The following CCDC25 variants were observed in gnomAD, a reference collection of about 807,000 sequenced individuals.
CCDC25 encodes coiled-coil domain-containing protein 25.
A neutral mutation model predicts 35.3 loss-of-function variants in CCDC25; 16 were observed. That is an observed-to-expected ratio of 0.45 (90% CI 0.31 to 0.69). CCDC25 has a LOEUF of 0.69. Among genes scored for constraint, CCDC25 ranks in the 30% least tolerant of loss-of-function variants. The pLI is 0.06. For synonymous variants in CCDC25, 79 were observed against 80.3 expected (o/e 0.98, Z 0.09); for missense variants, 179 against 250.7 (o/e 0.71, Z 1.93).
chr8:27,761,011 C>T (rs1804209245), intron 3 of CCDC25, among the ~76,000 whole-genome samples: 2 of 152,040 alleles, frequency 1.3e-5, no homozygotes, highest in Non-Finnish European at 2.9e-5. Flanking sequence ...TGCCTGTAGT[C>T]CCAGCTACTC....
At chr8:27,764,472 T>G (rs1804332443) in intron 2 of CCDC25, 1 of 384,350 alleles carries the variant, frequency 2.6e-6, no homozygotes, top group African/African-American at 2.2e-5. Flanking sequence ...AGAGACAGGG[T>G]CTCCCTATGT....
At chr8:27,756,690 G>A (rs1331358927) in intron 4 of CCDC25, 29 bp downstream of exon 4, 6 of 1,537,138 alleles carry the variant, frequency 3.9e-6, no homozygotes, top group Non-Finnish European at 5.4e-6. Context: ...CAGGAGAAAA[G>A]TCAAGAATCC....
rs1491226982 is a variant in CCDC25, at chr8:27,737,885, C to CACACAG, written c.598-1641_598-1640insCTGTGT. 6.3e-5 allele frequency among the ~76,000 whole-genome samples: 3 copies of CACACAG among 47,700 alleles called. No homozygotes were observed. Among genetic ancestry groups the CACACAG allele is most frequent in the African/African-American group, 1.8e-4 (3 of 16,534 alleles). The allele number at this position is 47,700 out of a possible 152,430, so 31.3% of individuals were successfully genotyped here. A position where few individuals can be genotyped will look rare whatever the true frequency, so the allele number is the denominator to read the frequency against. On this transcript the variant is annotated intron_variant, in intron 8 of 8. Transcript: ENST00000356537. This position sits in a 1 kb window ranked among gnomAD's most constrained non-coding sequence, Gnocchi z 4.6. ...ACTGTGGTGTGTGTATACACACACT[C>CACACAG]ACACACACACACACACACACACACA... is the stretch of plus-strand genomic sequence containing the variant.
chr8:27,772,164 T>C (rs1804644444), intron 1 of CCDC25: 1 of 380,500 alleles, frequency 2.6e-6, no homozygotes, highest in Non-Finnish European at 4.8e-6. Context: ...AGGCCGCAGA[T>C]GGAAGGTGGG....
At chr8:27,767,990 C>G (rs561842600) in intron 1 of CCDC25, among the ~76,000 whole-genome samples, 12 of 152,048 alleles carry the variant, frequency 7.9e-5, no homozygotes, top group African/African-American at 2.9e-4. Flanking sequence ...TTACTTGGGC[C>G]CAGGAGCTCG....
In CCDC25 at chr8:27,748,207, A is replaced by G; in HGVS notation, c.421T>C (p.Phe141Leu). The G allele has an allele frequency of 6.2e-7, 1 of 1,613,718 alleles. No homozygotes were observed. The highest frequency in any genetic ancestry group is 8.5e-7 in the Non-Finnish European group (1 of 1,179,828). The part of the protein sequence containing the change: ...NRLEKTKVER[F>L]PDLAAEKECR... The stretch of plus-strand genomic sequence containing the variant: ...TCTTTCTCTGCTGCTAGGTCTGGGA[A>G]CCGCTCGACTTTGGTCTTTTCTAAT... Residue 141 changes from phenylalanine (F) to leucine (L), a missense_variant, in exon 7 of 9, where the codon TTC (phenylalanine) becomes CTC (leucine). Transcript: ENST00000356537.
At chr8:27,765,124 T>TG in intron 2 of CCDC25, 80 bp downstream of exon 2, 4 of 1,311,554 alleles carry the variant, frequency 3.0e-6, no homozygotes, top group South Asian at 2.7e-5. Context: ...ACAAACTGGG[T>TG]GGGGGGCATG....
At chr8:27,750,646 G>A (rs1236630226) in intron 5 of CCDC25, among the ~76,000 whole-genome samples, 1 of 152,128 alleles carries the variant, frequency 6.6e-6, no homozygotes, top group African/African-American at 2.4e-5. Flanking sequence ...AGGGAAAGAA[G>A]TCTGCAGTCA....
intron 8 of CCDC25, among the ~76,000 whole-genome samples, chr8:27,738,366 A>G (rs1427539509): frequency 6.6e-6 from 1 of 152,180 alleles, no homozygotes. Flanking sequence ...AAAACTAGGA[A>G]AACATTTTCA....
At chr8:27,752,824 A>AG (rs371060299) in intron 4 of CCDC25, 1 of 272,944 alleles carries the variant, frequency 3.7e-6, no homozygotes, top group Non-Finnish European at 6.8e-6. Flanking sequence ...AAAAAAAAAA[A>AG]GCAAAAAAAA....
rs978646902 is a variant in CCDC25 at position 27,737,081 on chromosome 8, C to T, written c.598-836G>A. Among the ~76,000 whole-genome samples the T allele has an allele frequency of 2.6e-5, 4 of 152,028 alleles. No individual in the cohort carries two copies. Among genetic ancestry groups the T allele is most frequent in the African/African-American group, 9.7e-5 (4 of 41,366 alleles). On this transcript the variant is annotated intron_variant, in intron 8 of 8. Coordinates refer to ENST00000356537, the MANE Select transcript of CCDC25 (RefSeq NM_018246.3). The surrounding 1 kb of genome is among the most constrained non-coding windows in gnomAD (Gnocchi z 4.6). ...CCTTATTAAAGATGGTAGAGAAATA[C>T]GATATGGGTAGAAAACATTGGTTCC...
At chr8:27,766,028 TG>T (rs1281834466) in intron 1 of CCDC25, among the ~76,000 whole-genome samples, 1 of 152,224 alleles carries the variant, frequency 6.6e-6, no homozygotes, top group Non-Finnish European at 1.5e-5. Flanking sequence ...TTTACCAAGG[TG>T]GTGTTTTATT....
At chr8:27,762,856 C>T (rs959355392) in intron 2 of CCDC25, among the ~76,000 whole-genome samples, 2 of 151,940 alleles carry the variant, frequency 1.3e-5, no homozygotes, top group Non-Finnish European at 2.9e-5. Flanking sequence ...GAAAAATTAA[C>T]TTGATTATAA....
chr8:27,762,131 G>A (rs761344702), intron 3 of CCDC25, among the ~76,000 whole-genome samples: 7 of 152,176 alleles, frequency 4.6e-5, no homozygotes, highest in Non-Finnish European at 1.0e-4. Flanking sequence ...ACAGTGGTCT[G>A]AATATTTAAG....
Position 27,737,914 on chromosome 8 carries a change from A to ACACACACACACAC in CCDC25, c.598-1670_598-1669insGTGTGTGTGTGTG, listed in dbSNP as rs60438673. ...CACACACACACACACACACACACAC[A>ACACACACACACAC]AAGGAATACTATGCAGCTATAAAAA... On this transcript the variant is annotated intron_variant, in intron 8 of 8. Coordinates refer to ENST00000356537, the MANE Select transcript of CCDC25 (RefSeq NM_018246.3). The surrounding 1 kb of genome is among the most constrained non-coding windows in gnomAD (Gnocchi z 4.6). 6.6e-6 allele frequency among the ~76,000 whole-genome samples: 1 copy of ACACACACACACAC among 151,468 alleles called. No homozygotes were observed. Among genetic ancestry groups the ACACACACACACAC allele is most frequent in the African/African-American group, 2.4e-5 (1 of 41,094 alleles).
chr8:27,744,513 C>T (rs1056188404), intron 7 of CCDC25, among the ~76,000 whole-genome samples: 2 of 152,210 alleles, frequency 1.3e-5, no homozygotes, highest in African/African-American at 2.4e-5. Context: ...CTTCATGAGA[C>T]TGTCATCCAT....
intron 4 of CCDC25, chr8:27,756,463 G>A: frequency 2.5e-6 from 1 of 398,534 alleles, no homozygotes; most frequent in Non-Finnish European, 4.6e-6. Context: ...AGAGATGACA[G>A]ACAGCACACC....
chr8:27,738,326 G>A (rs1787358923), intron 8 of CCDC25, among the ~76,000 whole-genome samples: 1 of 152,122 alleles, frequency 6.6e-6, no homozygotes, highest in African/African-American at 2.4e-5. Context: ...GTTACAAGGA[G>A]AATTAGTCTA....
Position 27,752,366 on chromosome 8 carries a change from T to C in CCDC25, c.244+146A>G, listed in dbSNP as rs1377793860. 90 of 620,774 alleles carry C rather than the reference T, an allele frequency of 1.4e-4. No homozygotes were observed. In the East Asian group the frequency reaches 2.6e-3, roughly 18 times the overall value. The allele number at this position is 620,774 out of a possible 1,614,324, so 38.5% of individuals were successfully genotyped here. ...TGACAGGTACCAAAATTGCCATCCATCTTAAAGAACAAAACATGGCAAAGG... is the reference window on the plus strand; with the variant it reads ...TGACAGGTACCAAAATTGCCATCCACCTTAAAGAACAAAACATGGCAAAGG... On this transcript the variant is annotated intron_variant, in intron 5 of 8. Transcript: ENST00000356537.
Sources: allele counts gnomAD v4.1 joint callset (sites outside exome capture counted in the v4.1 genomes callset), GRCh38; gene constraint gnomAD v4.1.1; non-coding constraint Gnocchi (gnomAD v3.1); transcripts MANE v1.5; gene names NCBI Gene and HGNC (gene_info 2026-07-23, HGNC 2026-07-21).